COL23A1: variants seen among roughly 807,000 people sequenced by gnomAD.
COL23A1 encodes collagen type XXIII alpha 1 chain.
A neutral mutation model predicts 99.3 loss-of-function variants in COL23A1; 97 were observed. The observed-to-expected ratio is 0.98, with a 90% CI of 0.83 to 1.16. COL23A1 has a LOEUF of 1.16. Ranked by LOEUF, COL23A1 falls within the 50% of genes most tolerant of loss-of-function variation. The pLI, the probability that COL23A1 is intolerant of heterozygous loss-of-function variation, is 0.00. For synonymous variants in COL23A1, 320 were observed against 308.2 expected, an observed-to-expected ratio of 1.04 and a Z score of -0.40; for missense variants, 762 against 757.4, an observed-to-expected ratio of 1.01 and a Z score of -0.07.
In COL23A1 at chr5:178,446,138, G is replaced by A. The variant is rs147476052; in HGVS notation, c.361+114544C>T. On this transcript the variant is annotated intron_variant, in intron 2 of 28. Coordinates refer to ENST00000390654, the MANE Select transcript of COL23A1 (RefSeq NM_173465.4). ...ACATTATAACACCCAGTACAGGGGC[G>A]TTCTTAAATAGAAGAGCTTTAAAAT... 1.1e-3 allele frequency among the ~76,000 whole-genome samples: 169 copies of A among 151,914 alleles called. 2 individuals are homozygous for A. In the East Asian group the frequency reaches 0.024, roughly 22 times the overall value.
intron 3 of COL23A1, among the ~76,000 whole-genome samples, chr5:178,300,077 T>C (rs182224739): frequency 1.2e-3 from 181 of 151,362 alleles, no homozygotes; most frequent in African/African-American, 4.1e-3. Flanking sequence ...TTTTTTCTTT[T>C]TTTTTTGAGA....
chr5:178,585,683 G>A (rs2936211), intron 1 of COL23A1, among the ~76,000 whole-genome samples: 7 of 151,272 alleles, frequency 4.6e-5, no homozygotes, highest in South Asian at 2.1e-4. Flanking sequence ...GCCCTGGATG[G>A]CGCTGGGGTA....
At chr5:178,497,489 A>G (rs1758256108) in intron 2 of COL23A1, among the ~76,000 whole-genome samples, 1 of 152,252 alleles carries the variant, frequency 6.6e-6, no homozygotes, top group Admixed American at 6.5e-5. Context: ...ATCAAAGATT[A>G]ACGTGGAAGA....
chr5:178,423,196 G>T (rs1262307637), intron 2 of COL23A1, among the ~76,000 whole-genome samples: 1 of 151,976 alleles, frequency 6.6e-6, no homozygotes, highest in African/African-American at 2.4e-5. Flanking sequence ...TGTTGCCCAG[G>T]CTGGACTTGA....
At chr5:178,588,210 C>T (rs950243774) in intron 1 of COL23A1, among the ~76,000 whole-genome samples, 1 of 152,088 alleles carries the variant, frequency 6.6e-6, no homozygotes. Flanking sequence ...TCAGTGCAGC[C>T]GGGAGGGGGG....
At chr5:178,578,786 G>A (rs1190864508) in intron 1 of COL23A1, among the ~76,000 whole-genome samples, 2 of 151,010 alleles carry the variant, frequency 1.3e-5, no homozygotes, top group African/African-American at 2.4e-5. Context: ...CGAGCATTTC[G>A]CCGTGTTGCC....
chr5:178,351,606 C>T lies in COL23A1; in HGVS notation c.362-44687G>A, dbSNP rs115219379. ...CAGCGTCTGGAGTGTGGGGGAGACACGAGGTAGCAGCGCAGGCCGGGGCAA... is the reference window on the plus strand; with the variant it reads ...CAGCGTCTGGAGTGTGGGGGAGACATGAGGTAGCAGCGCAGGCCGGGGCAA... On this transcript the variant is annotated intron_variant, in intron 2 of 28. Transcript: ENST00000390654. Among the ~76,000 whole-genome samples the T allele has an allele frequency of 4.2e-3, 640 of 152,204 alleles. 4 individuals are homozygous for T. The highest frequency in any genetic ancestry group is 0.015 in the African/African-American group (608 of 41,538).
At chr5:178,311,536 C>T (rs923601731) in intron 2 of COL23A1, among the ~76,000 whole-genome samples, 16 of 143,246 alleles carry the variant, frequency 1.1e-4, no homozygotes, top group Admixed American at 5.5e-4. Context: ...GTGTGTAATG[C>T]GGGGCTTTAA....
chr5:178,374,663 G>T (rs938895680), intron 2 of COL23A1, among the ~76,000 whole-genome samples: 1 of 152,194 alleles, frequency 6.6e-6, no homozygotes, highest in Non-Finnish European at 1.5e-5. Flanking sequence ...CTGAAAACCT[G>T]TTAGTTAAAA....
intron 2 of COL23A1, among the ~76,000 whole-genome samples, chr5:178,390,023 A>G (rs1461847235): frequency 6.6e-6 from 1 of 152,132 alleles, no homozygotes; most frequent in Non-Finnish European, 1.5e-5. Context: ...CCTGCCAACA[A>G]TGTGCTCAGG....
intron 2 of COL23A1, among the ~76,000 whole-genome samples, chr5:178,513,896 T>C (rs1759358085): frequency 6.6e-6 from 1 of 152,080 alleles, no homozygotes; most frequent in Non-Finnish European, 1.5e-5. Context: ...CAGTAACATA[T>C]ATGTAAGATT....
At chr5:178,448,751 C>A (rs1767313356) in intron 2 of COL23A1, among the ~76,000 whole-genome samples, 1 of 151,498 alleles carries the variant, frequency 6.6e-6, no homozygotes, top group African/African-American at 2.4e-5. Flanking sequence ...TACTGCTGCA[C>A]TGGAGATCAA....
At chr5:178,345,030 C>A in intron 2 of COL23A1, 1 of 580,930 alleles carries the variant, frequency 1.7e-6, no homozygotes, top group South Asian at 1.5e-5. Context: ...TACTCACCAC[C>A]TGGAGATCTC....
At chr5:178,481,879 G>A (rs595369) in intron 2 of COL23A1, among the ~76,000 whole-genome samples, 50,920 of 116,678 alleles carry the variant, frequency 0.44, 11,429 homozygotes, top group Admixed American at 0.56. Flanking sequence ...TCATGGGGTC[G>A]GGGGAGGGGG....
chr5:178,455,965 T>C (rs1467082875), intron 2 of COL23A1, among the ~76,000 whole-genome samples: 1 of 151,880 alleles, frequency 6.6e-6, no homozygotes, highest in African/African-American at 2.4e-5. Flanking sequence ...AAAGGAAAAA[T>C]AACAAGAAAG....
chr5:178,449,836 TAGTA>T (rs1385457033), intron 2 of COL23A1, among the ~76,000 whole-genome samples: 3 of 152,100 alleles, frequency 2.0e-5, no homozygotes, highest in Non-Finnish European at 4.4e-5. Flanking sequence ...CAGCGCCGGT[TAGTA>T]AGTGACAGGA....
At chr5:178,273,837 C>G (rs1260121780) in intron 5 of COL23A1, among the ~76,000 whole-genome samples, 3 of 152,214 alleles carry the variant, frequency 2.0e-5, no homozygotes, top group Admixed American at 6.5e-5. Flanking sequence ...GAAGGAACAG[C>G]CTGGCTTTGG....
chr5:178,483,944 T>G (rs1757472007), intron 2 of COL23A1, among the ~76,000 whole-genome samples: 1 of 152,214 alleles, frequency 6.6e-6, no homozygotes, highest in South Asian at 2.1e-4. Context: ...CAAGATTTTT[T>G]TTTTTTCTTT....
intron 2 of COL23A1, among the ~76,000 whole-genome samples, chr5:178,317,502 A>G (rs1759042183): frequency 6.6e-6 from 1 of 152,230 alleles, no homozygotes; most frequent in Non-Finnish European, 1.5e-5. Context: ...CAACACCAAT[A>G]TACGCCACTA....
Sources: allele counts gnomAD v4.1 joint callset (sites outside exome capture counted in the v4.1 genomes callset), GRCh38; gene constraint gnomAD v4.1.1; transcripts MANE v1.5; gene names NCBI Gene and HGNC (gene_info 2026-07-23, HGNC 2026-07-21).